The following SPATA31C2 variants were observed in gnomAD, a reference collection of about 807,000 sequenced individuals.
The protein encoded by SPATA31C2 is SPATA31 subfamily C member 2, also known as spermatogenesis-associated protein 31C2.
In SPATA31C2, 5 loss-of-function variants were observed where a neutral mutation model predicts 11.4. The observed-to-expected ratio is 0.44, with a 90% CI of 0.23 to 0.92. SPATA31C2 has a LOEUF of 0.92. Ranked by LOEUF, SPATA31C2 falls within the 40% of genes least tolerant of loss-of-function variation. The pLI is 0.24. For missense variants in SPATA31C2, 1,353 were observed against 1,368.6 expected (o/e 0.99, Z 0.18); for synonymous variants, 515 against 538.7 (o/e 0.96, Z 0.61).
Position 88,131,117 on chromosome 9 carries a change from C to G in SPATA31C2, c.1920G>C (p.Pro640=). 1.2e-6 allele frequency: 2 copies of G among 1,612,052 alleles called. No individual in the cohort carries two copies. The highest frequency in any genetic ancestry group is 1.7e-6 in the Non-Finnish European group (2 of 1,179,872). The part of the protein sequence containing the change: ...NTAQVLSFLE[P]CTQQVLGAHI... ...GGGCTCCCAGCACCTGCTGAGTACA[C>G]GGCTCAAGGAAGGAAAGCACCTGGG... is the stretch of plus-strand genomic sequence containing the variant. Residue 640 remains proline (P), a synonymous_variant, in exon 4 of 4, where the codon CCG becomes CCC. Coordinates refer to ENST00000324915, the MANE Select transcript of SPATA31C2 (RefSeq NM_001350978.3).
Position 88,130,841 on chromosome 9 carries a change from C to G in SPATA31C2, c.2196G>C (p.Gln732His). The G allele has an allele frequency of 6.2e-7, 1 of 1,613,408 alleles. No homozygotes were observed. The highest frequency in any genetic ancestry group is 8.5e-7 in the Non-Finnish European group (1 of 1,179,878). ...ACTGCTTACATGCAGGTGAGGAGGCCTGAAGCCTCTCTGGCATGTGAACAG... is the reference window on the plus strand; with the variant it reads ...ACTGCTTACATGCAGGTGAGGAGGCGTGAAGCCTCTCTGGCATGTGAACAG... The part of the protein sequence containing the change: ...KPSVHMPERL[Q>H]ASSPACKQFQ... The change falls in exon 4 of 4, where the codon CAG (glutamine) becomes CAC (histidine). Residue 732 changes from glutamine to histidine, a missense_variant. Gln to His is a conservative substitution (Grantham distance 24). Around this residue, in one of 6 missense-constraint regions of SPATA31C2, gnomAD observed 1,075 missense variants for 992.8 expected, o/e 1.08. Coordinates refer to ENST00000324915, the MANE Select transcript of SPATA31C2 (RefSeq NM_001350978.3).
Position 88,132,146 on chromosome 9 carries a change from G to A in SPATA31C2, c.891C>T (p.Cys297=), listed in dbSNP as rs544982443. The change falls in exon 4 of 4, where the codon TGC becomes TGT. Residue 297 remains cysteine, a synonymous_variant. Coordinates refer to ENST00000324915, the MANE Select transcript of SPATA31C2 (RefSeq NM_001350978.3). Reference sequence around the variant, plus strand: ...CTTGCTGGACTGACGAGTTGAAGACGCACCAGGTTTTGGTAGTCTCCTGCG... The same window carrying A: ...CTTGCTGGACTGACGAGTTGAAGACACACCAGGTTTTGGTAGTCTCCTGCG... The part of the protein sequence containing the change: ...SWSQETTKTW[C]VFNSSVQQDH... 2.1e-5 allele frequency: 34 copies of A among 1,610,606 alleles called. No homozygotes were observed. The highest frequency in any genetic ancestry group is 1.6e-4 in the African/African-American group (12 of 74,934).
chr9:88,134,486 C>T (rs1378634826), intron 1 of SPATA31C2, among the ~76,000 whole-genome samples: 2 of 145,902 alleles, frequency 1.4e-5, no homozygotes, highest in South Asian at 2.2e-4. Flanking sequence ...AGACCTCCCC[C>T]GTCTCATGAC....
Position 88,133,906 on chromosome 9 carries a change from C to T in SPATA31C2, c.190-237G>A, listed in dbSNP as rs671350. ...GTGCGGTGGCTCACGCCTATAATCC[C>T]AGCACTTTGGGAGGCTGAGGCAGGT... On this transcript the variant is annotated intron_variant, in intron 1 of 3. Transcript: ENST00000324915. 2.0e-5 allele frequency among the ~76,000 whole-genome samples: 3 copies of T among 152,128 alleles called. No homozygotes were observed. In the East Asian group the frequency reaches 5.8e-4, roughly 29 times the overall value.
intron 1 of SPATA31C2, among the ~76,000 whole-genome samples, chr9:88,136,698 A>T (rs1825687075): frequency 7.2e-6 from 1 of 138,436 alleles, no homozygotes; most frequent in African/African-American, 2.7e-5. Flanking sequence ...TTTGAGATGG[A>T]GTCTTCCTCC....
At position 88,130,354 on chromosome 9, in the gene SPATA31C2, A is replaced by G. The variant is rs759200827; in HGVS notation, c.2683T>C (p.Leu895=). The G allele has an allele frequency of 2.5e-6, 4 of 1,610,334 alleles. No homozygotes were observed. Among genetic ancestry groups the G allele is most frequent in the Non-Finnish European group, 2.5e-6 (3 of 1,179,264 alleles). ...ASVVPHASEN[L]ASQVPQGHLQ... ...TGGCCCTGGGGCACTTGAGAAGCCA[A>G]ATTCTCTGAAGCATGGGGCACAACA... Residue 895 remains leucine, a synonymous_variant, in exon 4 of 4, where the codon TTG becomes CTG. Transcript: ENST00000324915.
At position 88,137,989 on chromosome 9, in the gene SPATA31C2, G is replaced by GAGACCTCCCCCGTCTCATGACCAGAGACC. The variant is rs1563964873; in HGVS notation, c.189+268_189+269insGGTCTCTGGTCATGAGACGGGGGAGGTCT. Among the ~76,000 whole-genome samples the GAGACCTCCCCCGTCTCATGACCAGAGACC allele has an allele frequency of 5.6e-5, 6 of 107,986 alleles. No homozygotes were observed. In the East Asian group the frequency reaches 1.8e-3, roughly 32 times the overall value. The allele number at this position is 107,986 out of a possible 152,430, so 70.8% of individuals were successfully genotyped here. ...AGAGACCTCCCCCGTCTCATGACCG[G>GAGACCTCCCCCGTCTCATGACCAGAGACC]TCCTGGCCGCTGAGCCCACGGGTTT... On this transcript the variant is annotated intron_variant, in intron 1 of 3. Coordinates refer to ENST00000324915, the MANE Select transcript of SPATA31C2 (RefSeq NM_001350978.3).
At position 88,131,095 on chromosome 9, in the gene SPATA31C2, C is replaced by A. The variant is rs750700794; in HGVS notation, c.1942G>T (p.Ala648Ser). ...TTGGCCCAAAACCTCACAATATGGG[C>A]TCCCAGCACCTGCTGAGTACACGGC... ...LEPCTQQVLG[A>S]HIVRFWAKHR... Residue 648 changes from alanine to serine, a missense_variant, in exon 4 of 4, where the codon GCC (alanine) becomes TCC (serine). Ala to Ser is a moderately conservative substitution (Grantham distance 99, BLOSUM62 1). Coordinates refer to ENST00000324915, the MANE Select transcript of SPATA31C2 (RefSeq NM_001350978.3). The A allele has an allele frequency of 1.7e-5, 28 of 1,611,920 alleles. No individual in the cohort carries two copies. Among genetic ancestry groups the A allele is most frequent in the Non-Finnish European group, 1.9e-5 (22 of 1,179,872 alleles).
At position 88,129,398 on chromosome 9, in the gene SPATA31C2, TC is replaced by T; in HGVS notation, c.*233del. On this transcript the variant is annotated 3_prime_UTR_variant, in exon 4 of 4. Transcript: ENST00000324915. Reference sequence around the variant, plus strand: ...TTTCCTCTACATAGAGTGAATTTTTTCTTGGTGACTTGTTTTTCTCTAGGGA... The same window carrying T: ...TTTCCTCTACATAGAGTGAATTTTTTTTGGTGACTTGTTTTTCTCTAGGGA... 9.4e-7 allele frequency: 1 copy of T among 1,065,356 alleles called. No individual in the cohort carries two copies. Among genetic ancestry groups the T allele is most frequent in the Middle Eastern group, 3.2e-4 (1 of 3,112 alleles). The allele number at this position is 1,065,356 out of a possible 1,614,324, so 66.0% of individuals were successfully genotyped here.
Position 88,129,835 on chromosome 9 carries a change from A to C in SPATA31C2, c.3202T>G (p.Ser1068Ala). 2.5e-6 allele frequency: 4 copies of C among 1,604,674 alleles called. No homozygotes were observed. The South Asian group carries it at 4.4e-5, about 18-fold the overall frequency. ...GAGGCATGGCGCGCATGGCAAAGTG[A>C]CATGTTCTCCTCCAGTATCTGTCCA... is the stretch of plus-strand genomic sequence containing the variant. ...AVGQILEENM[S>A]LCHARHASKV... Residue 1068 changes from serine (S) to alanine (A), a missense_variant, in exon 4 of 4, where the codon TCA (serine) becomes GCA (alanine). Transcript: ENST00000324915.
rs1563961822 is a variant in SPATA31C2 at position 88,131,097 on chromosome 9, C to CCCAG, written c.1936_1939dup (p.Gly647AlafsTer57). On this transcript the variant is annotated frameshift_variant, in exon 4 of 4. Transcript: ENST00000324915. LOFTEE classifies it low-confidence loss of function (END_TRUNC). ...GGCCCAAAACCTCACAATATGGGCT[C>CCCAG]CCAGCACCTGCTGAGTACACGGCTC... is the stretch of plus-strand genomic sequence containing the variant. 1.2e-6 allele frequency: 2 copies of CCCAG among 1,611,996 alleles called. No homozygotes were observed. Among genetic ancestry groups the CCCAG allele is most frequent in the East Asian group, 4.5e-5 (2 of 44,842 alleles).
intron 3 of SPATA31C2, 67 bp from the exon 4 acceptor site, chr9:88,132,777 T>C: frequency 6.5e-7 from 1 of 1,534,152 alleles, no homozygotes; most frequent in Non-Finnish European, 8.7e-7. Context: ...AGTGGGCGCT[T>C]GGGCCACAGC....
In SPATA31C2 at chr9:88,138,463, C is replaced by T; in HGVS notation, c.-17G>A. On this transcript the variant is annotated 5_prime_UTR_variant, in exon 1 of 4. Coordinates refer to ENST00000324915, the MANE Select transcript of SPATA31C2 (RefSeq NM_001350978.3). Reference sequence around the variant, plus strand: ...ATTCTCCATGTGAATAGGCGCATTGCTTTCTAGCAACTGAGCTCTGGGCAT... The same window carrying T: ...ATTCTCCATGTGAATAGGCGCATTGTTTTCTAGCAACTGAGCTCTGGGCAT... The T allele has an allele frequency of 2.2e-6, 1 of 446,054 alleles. No homozygotes were observed. The highest frequency in any genetic ancestry group is 2.4e-5 in the South Asian group (1 of 41,804). 27.6% of individuals were successfully genotyped at this position (446,054 alleles called of 1,614,324 possible). A position where few individuals can be genotyped will look rare whatever the true frequency, so the allele number is the denominator to read the frequency against.
Position 88,132,426 on chromosome 9 carries a change from G to C in SPATA31C2, c.611C>G (p.Pro204Arg), listed in dbSNP as rs574101496. Residue 204 changes from proline (P) to arginine (R), a missense_variant, in exon 4 of 4, where the codon CCC becomes CGC. Coordinates refer to ENST00000324915, the MANE Select transcript of SPATA31C2 (RefSeq NM_001350978.3). ...GTGAGGGAAAAGTGCAGGTGGCTCG[G>C]GTGAGGGATGTTCTAGGAGAAGGGA... ...EPSLLLEHPS[P>R]EPPALFPHPP... is the part of the protein sequence containing the mutation. 6.2e-7 allele frequency: 1 copy of C among 1,611,248 alleles called. No homozygotes were observed. Among genetic ancestry groups the C allele is most frequent in the East Asian group, 2.2e-5 (1 of 44,718 alleles).
rs767727171 is a variant in SPATA31C2 at position 88,129,877 on chromosome 9, T to C, written c.3160A>G (p.Arg1054Gly). 11 of 1,605,536 alleles carry C rather than the reference T, an allele frequency of 6.9e-6. No homozygotes were observed. The highest frequency in any genetic ancestry group is 9.4e-6 in the Non-Finnish European group (11 of 1,174,464). Residue 1054 changes from arginine to glycine, a missense_variant, in exon 4 of 4, where the codon AGG (arginine) becomes GGG (glycine). Around this residue, in one of 6 missense-constraint regions of SPATA31C2, gnomAD observed 187 missense variants for 205.8 expected, o/e 0.91. Coordinates refer to ENST00000324915, the MANE Select transcript of SPATA31C2 (RefSeq NM_001350978.3). ...CVYGSSAEAE[R>G]LMTAVGQILE... is the part of the protein sequence containing the mutation. ...ATCTGTCCAACTGCTGTCATGAGCCTCTCAGCTTCAGCACTGCTGCCGTAC... is the reference window on the plus strand; with the variant it reads ...ATCTGTCCAACTGCTGTCATGAGCCCCTCAGCTTCAGCACTGCTGCCGTAC...
rs1193615891 is a variant in SPATA31C2, at chr9:88,130,416, G to C, written c.2621C>G (p.Ser874Cys). The change falls in exon 4 of 4, where the codon TCT (serine) becomes TGT (cysteine). Residue 874 changes from serine (S) to cysteine (C), a missense_variant. Ser to Cys is a moderately radical substitution (Grantham distance 112). Around this residue, in one of 6 missense-constraint regions of SPATA31C2, gnomAD observed 1,075 missense variants for 992.8 expected, o/e 1.08. Coordinates refer to ENST00000324915, the MANE Select transcript of SPATA31C2 (RefSeq NM_001350978.3). ...ATCTGGAAGGAGCACAACAGTGGCA[G>C]AAACTTGAGGCTGGGTCTCTGACTT... is the stretch of plus-strand genomic sequence containing the variant. Reference protein sequence around the residue: ...ATKSETQPQVSATVVLLPDGQ... With the variant: ...ATKSETQPQVCATVVLLPDGQ... 1.2e-6 allele frequency: 2 copies of C among 1,612,518 alleles called. No individual in the cohort carries two copies. The highest frequency in any genetic ancestry group is 2.2e-5 in the South Asian group (2 of 91,018).
Position 88,131,366 on chromosome 9 carries a change from A to G in SPATA31C2, c.1671T>C (p.Ser557=). ...SERNLRKPLR[S]DSGSDLLRRT... is the part of the protein sequence containing the mutation. Reference sequence around the variant, plus strand: ...GTCTTAATAAATCACTTCCTGAGTCACTCCTCAAGGGCTTCCTCAGGTTCC... The same window carrying G: ...GTCTTAATAAATCACTTCCTGAGTCGCTCCTCAAGGGCTTCCTCAGGTTCC... Residue 557 remains serine, a synonymous_variant, in exon 4 of 4, where the codon AGT becomes AGC. Transcript: ENST00000324915. 1 of 1,611,658 alleles carries G rather than the reference A, an allele frequency of 6.2e-7. No homozygotes were observed. Among genetic ancestry groups the G allele is most frequent in the African/African-American group, 1.3e-5 (1 of 74,850 alleles).
intron 1 of SPATA31C2, among the ~76,000 whole-genome samples, chr9:88,137,559 G>A (rs1328011609): frequency 2.2e-5 from 3 of 137,812 alleles, no homozygotes. Context: ...GGAAGCAAAG[G>A]TGGCACTGAG....
Position 88,132,416 on chromosome 9 carries a change from A to C in SPATA31C2, c.621T>G (p.Pro207=). Residue 207 remains proline, a synonymous_variant, in exon 4 of 4, where the codon CCT becomes CCG. Transcript: ENST00000324915. ...TGCGTGGTGGGTGAGGGAAAAGTGC[A>C]GGTGGCTCGGGTGAGGGATGTTCTA... The part of the protein sequence containing the change: ...LLLEHPSPEP[P]ALFPHPPRTP... The C allele has an allele frequency of 6.2e-7, 1 of 1,611,220 alleles. No homozygotes were observed. The highest frequency in any genetic ancestry group is 1.1e-5 in the South Asian group (1 of 91,012).
Sources: gnomAD v4.1 joint callset for allele counts (sites outside exome capture counted in the v4.1 genomes callset) on GRCh38, gnomAD v4.1.1 for gene constraint, gnomAD v4.1.1 regional missense constraint, MANE v1.5 for transcripts, NCBI Gene and HGNC (gene_info 2026-07-23, HGNC 2026-07-21) for gene names.